The following DNMT3A variants were observed in gnomAD, a reference collection of about 807,000 sequenced individuals.
DNMT3A encodes the protein DNA (cytosine-5)-methyltransferase 3A.
A neutral mutation model predicts 117.6 loss-of-function variants in DNMT3A; 267 were observed. The observed-to-expected ratio is 2.27, with a 90% confidence interval of 2.05 to 2.51. The LOEUF (loss-of-function observed/expected upper bound fraction) is 2.51. Ranked by LOEUF, DNMT3A falls within the 30% of genes most tolerant of loss-of-function variation. The pLI, the probability that DNMT3A is intolerant of heterozygous loss-of-function variation, is 0.00. For synonymous variants in DNMT3A, 432 were observed against 474.8 expected, an observed-to-expected ratio of 0.91 and a Z score of 1.17; for missense variants, 1,029 against 1,260.2, an observed-to-expected ratio of 0.82 and a Z score of 2.78.
intron 3 of DNMT3A, among the ~76,000 whole-genome samples, chr2:25,284,490 A>G (rs2032134173): frequency 6.6e-6 from 1 of 151,734 alleles, no homozygotes; most frequent in African/African-American, 2.4e-5. Flanking sequence ...CCCTGTTTCT[A>G]CTAAAAATTA....
chr2:25,342,409 C>T (rs1357668705), upstream of DNMT3A: 1 of 152,178 alleles, frequency 6.6e-6, no homozygotes, highest in Non-Finnish European at 1.5e-5. This position sits in a 1 kb window ranked among gnomAD's most constrained non-coding sequence, Gnocchi z 5.9. Flanking sequence ...GCAGCCCTCC[C>T]CACGCTGGGC....
At chr2:25,314,289 C>T (rs1319199939) in intron 1 of DNMT3A, 128 bp from the exon 2 acceptor site, 1 of 1,213,438 alleles carries the variant, frequency 8.2e-7, no homozygotes, top group African/African-American at 1.6e-5. Flanking sequence ...TCACCAGCAC[C>T]CCAGAGAGCA....
At chr2:25,256,451 C>T (rs1216497885) in intron 6 of DNMT3A, among the ~76,000 whole-genome samples, 1 of 152,220 alleles carries the variant, frequency 6.6e-6, no homozygotes, top group East Asian at 1.9e-4. Context: ...GAAAGTTCCT[C>T]TAGCCTTGCA....
At chr2:25,300,116 G>T (rs1328970760) in intron 3 of DNMT3A, 23 bp downstream of exon 3, 1 of 1,610,344 alleles carries the variant, frequency 6.2e-7, no homozygotes, top group Admixed American at 1.7e-5. Context: ...TGCACAGGAG[G>T]GTGTGTAGGA....
intron 4 of DNMT3A, among the ~76,000 whole-genome samples, chr2:25,276,164 C>T (rs2031393069): frequency 1.3e-5 from 2 of 152,114 alleles, no homozygotes; most frequent in Admixed American, 1.3e-4. Flanking sequence ...TTCCAAGGTC[C>T]GCCTGCAGGT....
intron 6 of DNMT3A, among the ~76,000 whole-genome samples, chr2:25,270,739 G>A (rs1157269122): frequency 1.3e-5 from 2 of 152,218 alleles, no homozygotes; most frequent in Non-Finnish European, 2.9e-5. Context: ...GAGGTGGGGA[G>A]GAACCTGCAG....
intron 1 of DNMT3A, among the ~76,000 whole-genome samples, chr2:25,320,858 G>A (rs1479999270): frequency 2.6e-5 from 4 of 152,098 alleles, no homozygotes; most frequent in East Asian, 3.9e-4. Flanking sequence ...TCGGCCGGGC[G>A]CGGTGGCTCA....
intron 6 of DNMT3A, among the ~76,000 whole-genome samples, chr2:25,273,210 A>C (rs1558696590): frequency 6.6e-6 from 1 of 151,870 alleles, no homozygotes; most frequent in Non-Finnish European, 1.5e-5. Context: ...TCCTGACCTT[A>C]GGTGATCCGC....
intron 6 of DNMT3A, among the ~76,000 whole-genome samples, chr2:25,249,443 C>T (rs576807637): frequency 3.9e-5 from 6 of 152,316 alleles, no homozygotes; most frequent in South Asian, 2.1e-4. Flanking sequence ...CATGCTCAGA[C>T]GCCATGCTGG....
Position 25,234,360 on chromosome 2 carries a change from C to CG in DNMT3A, c.2657_2658insC (p.Gln886HisfsTer35). The CG allele has an allele frequency of 6.2e-7, 1 of 1,614,158 alleles. No individual in the cohort carries two copies. The highest frequency in any genetic ancestry group is 8.5e-7 in the Non-Finnish European group (1 of 1,180,026). ...CGCTCCATGACCGGCCCAGCAGTCT[C>CG]TGCCTCGCCAAGCGGCTCATGTTGG... On this transcript the variant is annotated frameshift_variant, in exon 23 of 23. Coordinates refer to ENST00000321117, the MANE Select transcript of DNMT3A (RefSeq NM_022552.5). LOFTEE classifies it high-confidence loss of function. The surrounding 1 kb of genome is among the most constrained non-coding windows in gnomAD (Gnocchi z 4.5).
chr2:25,326,239 T>C (rs2034785935), intron 1 of DNMT3A, among the ~76,000 whole-genome samples: 1 of 152,050 alleles, frequency 6.6e-6, no homozygotes, highest in Admixed American at 6.6e-5. Context: ...AGCTTTATAA[T>C]GTAGTCTTTA....
rs1211987708 is a variant in DNMT3A, at chr2:25,243,879, T to C, written c.1936+19A>G. On this transcript the variant is annotated intron_variant, in intron 16 of 22. Coordinates refer to ENST00000321117, the MANE Select transcript of DNMT3A (RefSeq NM_022552.5). ...CCTGGGACAAGGCGGCCAGCACCTC[T>C]TGGGCCTGCACCCCTCACCTGTAGC... 1.3e-6 allele frequency: 2 copies of C among 1,551,726 alleles called. No homozygotes were observed. Among genetic ancestry groups the C allele is most frequent in the African/African-American group, 1.4e-5 (1 of 73,040 alleles).
chr2:25,274,995 G>A lies in DNMT3A; in HGVS notation c.585C>T (p.Pro195=). The change falls in exon 6 of 23, where the codon CCC becomes CCT. Residue 195 remains proline, a synonymous_variant. Transcript: ENST00000321117. The part of the protein sequence containing the change: ...MPRLTFQAGD[P]YYISKRKRDE... The stretch of plus-strand genomic sequence containing the variant: ...CCCGCTTGCGCTTGCTGATGTAGTA[G>A]GGGTCCCCCGCCTGGAAGGTGAGCC... 1.2e-6 allele frequency: 2 copies of A among 1,613,892 alleles called. No homozygotes were observed.
intron 1 of DNMT3A, among the ~76,000 whole-genome samples, chr2:25,324,501 A>C (rs2034714903): frequency 6.6e-6 from 1 of 152,148 alleles, no homozygotes; most frequent in South Asian, 2.1e-4. Context: ...CTCTGGGGTG[A>C]CCCTGGCCCA....
rs535391969 is a variant in DNMT3A, at chr2:25,304,248, A to G, written c.73-4005T>C. On this transcript the variant is annotated intron_variant, in intron 2 of 22. Transcript: ENST00000321117. This position sits in a 1 kb window ranked among gnomAD's most constrained non-coding sequence, Gnocchi z 4.3. ...TTCGCTCTGCTCTTTGCTTAGGAGT[A>G]ACCTCAAGCTCTTTAACCTCCCTGA... Among the ~76,000 whole-genome samples, 7 of 152,318 alleles carry G rather than the reference A, an allele frequency of 4.6e-5. No individual in the cohort carries two copies. In the South Asian group the frequency reaches 1.4e-3, roughly 32 times the overall value.
intron 6 of DNMT3A, 124 bp downstream of exon 6, chr2:25,274,817 G>T: frequency 7.5e-7 from 1 of 1,333,678 alleles, no homozygotes; most frequent in Non-Finnish European, 1.0e-6. Flanking sequence ...CAGTCATCAT[G>T]ACTAGAGATT....
chr2:25,252,012 A>C lies in DNMT3A; in HGVS notation c.640-3760T>G. Reference sequence around the variant, plus strand: ...GGGGCCTTGGGGCTCGTGGGCAGGAAGGCGGCGGGCCAGCACTAAGTCAGC... The same window carrying C: ...GGGGCCTTGGGGCTCGTGGGCAGGACGGCGGCGGGCCAGCACTAAGTCAGC... On this transcript the variant is annotated intron_variant, in intron 6 of 22. Coordinates refer to ENST00000321117, the MANE Select transcript of DNMT3A (RefSeq NM_022552.5). This position sits in a 1 kb window ranked among gnomAD's most constrained non-coding sequence, Gnocchi z 5.5. The C allele has an allele frequency of 1.4e-6, 1 of 707,032 alleles. No homozygotes were observed. Among genetic ancestry groups the C allele is most frequent in the Non-Finnish European group, 2.2e-6 (1 of 460,864 alleles). 43.8% of individuals were successfully genotyped at this position (707,032 alleles called of 1,614,324 possible). A position where few individuals can be genotyped will look rare whatever the true frequency, so the allele number is the denominator to read the frequency against.
Position 25,255,111 on chromosome 2 carries a change from A to G in DNMT3A, c.640-6859T>C, listed in dbSNP as rs113735236. On this transcript the variant is annotated intron_variant, in intron 6 of 22. Transcript: ENST00000321117. ...TCTCCTGTAACTATGCAGACAGGAA[A>G]CACTGCCTTTTCTAGACTGAGTCGC... Among the ~76,000 whole-genome samples the G allele has an allele frequency of 2.6e-4, 39 of 152,332 alleles. 1 individual carries two copies. Among genetic ancestry groups the G allele is most frequent in the African/African-American group, 7.0e-4 (29 of 41,580 alleles).
Position 25,306,476 on chromosome 2 carries a change from C to T in DNMT3A, c.73-6233G>A, listed in dbSNP as rs2033787332. Among the ~76,000 whole-genome samples, 1 of 152,174 alleles carries T rather than the reference C, an allele frequency of 6.6e-6. No individual in the cohort carries two copies. The highest frequency in any genetic ancestry group is 6.5e-5 in the Admixed American group (1 of 15,276). ...GGCCACTCTCCTGGAGGGGAGGGGC[C>T]GTGTCTCATTGGCGCCTCTGAGTCC... On this transcript the variant is annotated intron_variant, in intron 2 of 22. Coordinates refer to ENST00000321117, the MANE Select transcript of DNMT3A (RefSeq NM_022552.5). This position sits in a 1 kb window ranked among gnomAD's most constrained non-coding sequence, Gnocchi z 4.1.
Sources: gnomAD v4.1 joint callset for allele counts (sites outside exome capture counted in the v4.1 genomes callset) on GRCh38, gnomAD v4.1.1 for gene constraint, Gnocchi (gnomAD v3.1) non-coding constraint, MANE v1.5 for transcripts, NCBI Gene and HGNC (gene_info 2026-07-23, HGNC 2026-07-21) for gene names.